The following PPARGC1A variants were observed in gnomAD, a reference collection of about 807,000 sequenced individuals.
PPARGC1A encodes peroxisome proliferator-activated receptor gamma coactivator 1-alpha.
PPARGC1A carries 25 observed loss-of-function variants against 88.7 expected under a neutral mutation model. That is an observed-to-expected ratio of 0.28 (90% CI 0.21 to 0.39). The LOEUF (loss-of-function observed/expected upper bound fraction) is 0.39, where lower values mean the gene tolerates loss of function less well. Among genes scored for constraint, PPARGC1A ranks in the 10% least tolerant of loss-of-function variants. The pLI, the probability that PPARGC1A is intolerant of heterozygous loss-of-function variation, is 1.00. For missense variants in PPARGC1A, 880 were observed against 968.7 expected, an observed-to-expected ratio of 0.91 and a Z score of 1.22; for synonymous variants, 363 against 355.6, an observed-to-expected ratio of 1.02 and a Z score of -0.24.
chr4:24,397,945 A>C, the PPARGC1A span, among the ~76,000 whole-genome samples: 2 of 152,232 alleles, frequency 1.3e-5, no homozygotes, highest in Non-Finnish European at 2.9e-5. Context: ...ATCCTTATAT[A>C]GTCCCTTCCT....
chr4:24,267,214 T>C, the PPARGC1A span, among the ~76,000 whole-genome samples: 1 of 152,192 alleles, frequency 6.6e-6, no homozygotes, highest in South Asian at 2.1e-4. Context: ...AATGCTAATA[T>C]GCAAATGCCC....
the PPARGC1A span, among the ~76,000 whole-genome samples, chr4:24,344,704 G>T: frequency 3.3e-5 from 5 of 151,826 alleles, no homozygotes; most frequent in Admixed American, 2.0e-4. Flanking sequence ...TCTGTGAGTT[G>T]TCTCTTTACT....
Position 23,814,009 on chromosome 4 carries a change from C to T in PPARGC1A, c.1474G>A (p.Glu492Lys). Residue 492 changes from glutamate to lysine, a missense_variant, in exon 8 of 13, where the codon GAA becomes AAA. Physicochemically the swap from Glu to Lys is moderately conservative, Grantham distance 56. Coordinates refer to ENST00000264867, the MANE Select transcript of PPARGC1A (RefSeq NM_013261.5). ...AACATAGGTAGTTTGGAGAATTGTT[C>T]ATTACTGAAATCACTGTCCCTCAGT... ...GELRDSDFSN[E>K]QFSKLPMFIN... 6.2e-7 allele frequency: 1 copy of T among 1,614,042 alleles called. No individual in the cohort carries two copies. The highest frequency in any genetic ancestry group is 8.5e-7 in the Non-Finnish European group (1 of 1,179,950).
At chr4:24,300,878 T>G in the PPARGC1A span, among the ~76,000 whole-genome samples, 1 of 152,152 alleles carries the variant, frequency 6.6e-6, no homozygotes, top group African/African-American at 2.4e-5. Context: ...TTCCTCTTCC[T>G]GTCTGAAACA....
At chr4:24,133,695 C>A in the PPARGC1A span, among the ~76,000 whole-genome samples, 1 of 152,142 alleles carries the variant, frequency 6.6e-6, no homozygotes, top group Admixed American at 6.5e-5. Context: ...TTGGAAACTT[C>A]TTTCAGGACC....
the PPARGC1A span, among the ~76,000 whole-genome samples, chr4:24,387,802 A>AAG: frequency 2.6e-5 from 3 of 114,304 alleles, no homozygotes; most frequent in African/African-American, 8.8e-5. Flanking sequence ...GAAAGAAAGA[A>AAG]AGAAAGAAAG....
chr4:24,216,928 T>C, the PPARGC1A span, among the ~76,000 whole-genome samples: 1 of 152,122 alleles, frequency 6.6e-6, no homozygotes, highest in Non-Finnish European at 1.5e-5. Flanking sequence ...CTAAGTAATA[T>C]ACCTACCACT....
At chr4:24,182,157 C>T in the PPARGC1A span, among the ~76,000 whole-genome samples, 1 of 152,144 alleles carries the variant, frequency 6.6e-6, no homozygotes, top group African/African-American at 2.4e-5. Context: ...CTTGCTCCCA[C>T]CCCGACAGGC....
At chr4:24,254,324 C>T in the PPARGC1A span, among the ~76,000 whole-genome samples, 1 of 152,268 alleles carries the variant, frequency 6.6e-6, no homozygotes, top group African/African-American at 2.4e-5. Context: ...CAGAAAGAGG[C>T]CACACCAGGT....
chr4:24,277,549 A>C, the PPARGC1A span, among the ~76,000 whole-genome samples: 1 of 152,176 alleles, frequency 6.6e-6, no homozygotes, highest in African/African-American at 2.4e-5. Context: ...TGTATGCAAC[A>C]GAAACCCAGC....
chr4:23,927,867 T>C, the PPARGC1A span, among the ~76,000 whole-genome samples: 1 of 152,172 alleles, frequency 6.6e-6, no homozygotes, highest in Non-Finnish European at 1.5e-5. Context: ...TCAAAAATCC[T>C]TGCAGGCTTA....
the PPARGC1A span, among the ~76,000 whole-genome samples, chr4:23,987,871 C>T: frequency 1.9e-4 from 29 of 151,990 alleles, no homozygotes; most frequent in South Asian, 1.0e-3. Flanking sequence ...GCACCTGCCA[C>T]GGTGGTTTGC....
the PPARGC1A span, among the ~76,000 whole-genome samples, chr4:24,089,870 C>G: frequency 6.6e-6 from 1 of 152,146 alleles, no homozygotes; most frequent in Non-Finnish European, 1.5e-5. Context: ...CCAGCTATCA[C>G]AATGGAAATG....
chr4:24,307,473 T>A, the PPARGC1A span, among the ~76,000 whole-genome samples: 3 of 152,234 alleles, frequency 2.0e-5, no homozygotes, highest in Admixed American at 1.3e-4. Flanking sequence ...ACATGGTGTA[T>A]GCCTGGCATT....
At chr4:24,405,292 T>C in the PPARGC1A span, among the ~76,000 whole-genome samples, 1 of 152,156 alleles carries the variant, frequency 6.6e-6, no homozygotes, top group Non-Finnish European at 1.5e-5. Flanking sequence ...GGTTTTTTTT[T>C]TCAAGAAAAG....
the PPARGC1A span, among the ~76,000 whole-genome samples, chr4:24,405,458 G>A: frequency 0.012 from 1,798 of 152,272 alleles, 18 homozygotes; most frequent in Non-Finnish European, 0.019. Flanking sequence ...AATTATCTCC[G>A]CAGGCTGGCA....
chr4:23,900,183 A>C (rs373591177), upstream of PPARGC1A, among the ~76,000 whole-genome samples: 15 of 152,332 alleles, frequency 9.8e-5, no homozygotes, highest in African/African-American at 3.6e-4. Context: ...TCTATCAAAA[A>C]ATAGAATAGG....
At chr4:23,838,031 A>T (rs768728473) in intron 2 of PPARGC1A, among the ~76,000 whole-genome samples, 3 of 152,206 alleles carry the variant, frequency 2.0e-5, no homozygotes, top group Non-Finnish European at 2.9e-5. Flanking sequence ...TAAAAATAAC[A>T]ATCCAGAGTT....
At chr4:24,013,578 G>A in the PPARGC1A span, among the ~76,000 whole-genome samples, 1 of 152,090 alleles carries the variant, frequency 6.6e-6, no homozygotes, top group Non-Finnish European at 1.5e-5. Context: ...CAGAGCTCCA[G>A]AGTACAACAT....
Sources: allele counts gnomAD v4.1 joint callset (sites outside exome capture counted in the v4.1 genomes callset), GRCh38; gene constraint gnomAD v4.1.1; transcripts MANE v1.5; gene names NCBI Gene and HGNC (gene_info 2026-07-23, HGNC 2026-07-21).